DENND4A: variants seen among roughly 807,000 people sequenced by gnomAD.
DENND4A encodes C-myc promoter-binding protein.
A neutral mutation model predicts 199.3 loss-of-function variants in DENND4A; 70 were observed. The ratio of observed to expected loss-of-function variants is 0.35; its 90% CI spans 0.29 to 0.43. DENND4A has a LOEUF of 0.43. DENND4A is among the 20% of genes least tolerant of loss of function. DENND4A has a pLI of 1.00. For synonymous variants in DENND4A, 686 were observed against 766.9 expected (o/e 0.89, Z 1.74); for missense variants, 1,723 against 2,255.8 (o/e 0.76, Z 4.78).
At chr15:65,765,817 C>T (rs550319689) in intron 1 of DENND4A, among the ~76,000 whole-genome samples, 3 of 152,256 alleles carry the variant, frequency 2.0e-5, no homozygotes, top group African/African-American at 7.2e-5. Flanking sequence ...CCTAGTGTTG[C>T]CCTTTTATAA....
intron 23 of DENND4A, among the ~76,000 whole-genome samples, chr15:65,689,084 C>G (rs186647202): frequency 6.6e-6 from 1 of 152,328 alleles, no homozygotes; most frequent in African/African-American, 2.4e-5. Context: ...CAGAAGACCA[C>G]TGCTCCTTTG....
intron 7 of DENND4A, among the ~76,000 whole-genome samples, chr15:65,734,469 G>A (rs534549635): frequency 4.6e-4 from 70 of 152,246 alleles, no homozygotes; most frequent in African/African-American, 1.6e-3. Flanking sequence ...GGAACTCAGA[G>A]GCTGGCGGGA....
chr15:65,789,404 A>G (rs972604067), intron 1 of DENND4A, among the ~76,000 whole-genome samples: 1 of 152,104 alleles, frequency 6.6e-6, no homozygotes, highest in African/African-American at 2.4e-5. Context: ...ATTCAAAGTG[A>G]TAACTATGAT....
At chr15:65,702,264 A>G (rs28377658) in intron 17 of DENND4A, 41 bp downstream of exon 17, 309,403 of 1,486,916 alleles carry the variant, frequency 0.21, 39,538 homozygotes, top group East Asian at 0.71. Flanking sequence ...GTGAGACCCC[A>G]TCTCAAAAAA....
At chr15:65,788,768 T>C (rs1366017513) in intron 1 of DENND4A, among the ~76,000 whole-genome samples, 3 of 147,336 alleles carry the variant, frequency 2.0e-5, no homozygotes, top group African/African-American at 7.6e-5. Flanking sequence ...GGTGGGAGGA[T>C]GGCTTGAGCC....
At chr15:65,729,466 G>T in intron 10 of DENND4A, 68 bp downstream of exon 10, 1 of 1,513,808 alleles carries the variant, frequency 6.6e-7, no homozygotes, top group Non-Finnish European at 8.9e-7. Flanking sequence ...TATTAAAATG[G>T]CTTTAAGTTA....
intron 22 of DENND4A, among the ~76,000 whole-genome samples, chr15:65,693,853 C>A (rs2077053211): frequency 6.6e-6 from 1 of 151,942 alleles, no homozygotes; most frequent in Non-Finnish European, 1.5e-5. Context: ...AAGGCAGGAT[C>A]CGTGTTTATT....
At chr15:65,784,022 A>G (rs1243251291) in intron 1 of DENND4A, among the ~76,000 whole-genome samples, 1 of 152,180 alleles carries the variant, frequency 6.6e-6, no homozygotes, top group African/African-American at 2.4e-5. Flanking sequence ...GGTTAACAAT[A>G]TCAGTGATAA....
At position 65,752,384 on chromosome 15, in the gene DENND4A, T is replaced by A. The variant is rs891827890; in HGVS notation, c.556A>T (p.Ser186Cys). Residue 186 changes from serine to cysteine, a missense_variant, in exon 4 of 33, where the codon AGT (serine) becomes TGT (cysteine). Ser to Cys is a moderately radical substitution (Grantham distance 112, BLOSUM62 -1). Around this residue, in one of 6 missense-constraint regions of DENND4A, gnomAD observed 725 missense variants for 952.9 expected, o/e 0.76. Coordinates refer to ENST00000443035, the MANE Select transcript of DENND4A (RefSeq NM_001320835.1). ...AGTGCAAGTAAGTCACTTACCATAC[T>A]GTTATTGAGATTCTTGTCGACTTTG... ...FCKVDKNLNNSMWGSAVYLCY... is the reference protein window; with the variant it reads ...FCKVDKNLNNCMWGSAVYLCY... 1 of 1,594,436 alleles carries A rather than the reference T, an allele frequency of 6.3e-7. No homozygotes were observed.
chr15:65,753,390 ACT>A (rs1472831434), intron 3 of DENND4A, among the ~76,000 whole-genome samples: 1 of 152,096 alleles, frequency 6.6e-6, no homozygotes, highest in Non-Finnish European at 1.5e-5. Flanking sequence ...TCGGAGTCTC[ACT>A]CTGTCACCCA....
At position 65,737,789 on chromosome 15, in the gene DENND4A, G is replaced by A; in HGVS notation, c.958C>T (p.Pro320Ser). The A allele has an allele frequency of 6.3e-7, 1 of 1,595,910 alleles. No homozygotes were observed. Among genetic ancestry groups the A allele is most frequent in the East Asian group, 2.3e-5 (1 of 44,352 alleles). Residue 320 changes from proline to serine, a missense_variant, in exon 7 of 33, where the codon CCT (proline) becomes TCT (serine). This residue lies in a region of DENND4A where 725 missense variants were observed against 952.9 expected (regional missense o/e 0.76). Transcript: ENST00000443035. ...NKCICLLSHW[P>S]FFDAFRKFLT... ...AACTTCCTGAATGCATCAAAAAAAG[G>A]CCAGTGAGAAAGAAGACAGATGCAT...
At chr15:65,771,081 C>G in intron 1 of DENND4A, 1 of 1,226,110 alleles carries the variant, frequency 8.2e-7, no homozygotes. Context: ...TTTTCAGTAT[C>G]AGATCTTTCC....
At chr15:65,696,240 G>T in intron 22 of DENND4A, 126 bp downstream of exon 22, 2 of 1,201,464 alleles carry the variant, frequency 1.7e-6, no homozygotes, top group Non-Finnish European at 1.1e-6. Flanking sequence ...GCTATGCCAT[G>T]AGAGGCTGCA....
intron 29 of DENND4A, among the ~76,000 whole-genome samples, chr15:65,666,778 CAAAAAA>C (rs36113125): frequency 3.3e-5 from 3 of 91,724 alleles, no homozygotes; most frequent in Admixed American, 1.2e-4. Flanking sequence ...GACCTTGTGT[CAAAAAA>C]AAAAAAAAAA....
At chr15:65,730,135 C>T (rs1436254254) in intron 9 of DENND4A, among the ~76,000 whole-genome samples, 3 of 151,996 alleles carry the variant, frequency 2.0e-5, no homozygotes, top group African/African-American at 2.4e-5. Flanking sequence ...GGTAAATACA[C>T]ATTAAAACTT....
chr15:65,691,909 G>A (rs1215983170), intron 22 of DENND4A, among the ~76,000 whole-genome samples: 1 of 149,360 alleles, frequency 6.7e-6, no homozygotes, highest in South Asian at 2.1e-4. Flanking sequence ...AAATTACAAT[G>A]GTTTTACAAT....
At chr15:65,784,411 T>A (rs79553639) in intron 1 of DENND4A, among the ~76,000 whole-genome samples, 2 of 151,672 alleles carry the variant, frequency 1.3e-5, no homozygotes, top group East Asian at 3.9e-4. Context: ...AAATTTAACA[T>A]TGAAATGTCA....
intron 11 of DENND4A, chr15:65,728,820 A>G (rs908094853): frequency 2.2e-6 from 1 of 454,058 alleles, no homozygotes; most frequent in African/African-American, 2.0e-5. Context: ...CAAGCCTAAC[A>G]TTAAAATGTT....
chr15:65,685,266 A>G (rs753076060), intron 23 of DENND4A, among the ~76,000 whole-genome samples: 14 of 152,064 alleles, frequency 9.2e-5, no homozygotes, highest in South Asian at 2.1e-4. Flanking sequence ...AGCTGGGACT[A>G]CAGGCGCCTG....
Sources: gnomAD v4.1 joint callset for allele counts (sites outside exome capture counted in the v4.1 genomes callset) on GRCh38, gnomAD v4.1.1 for gene constraint, gnomAD v4.1.1 regional missense constraint, MANE v1.5 for transcripts, NCBI Gene and HGNC (gene_info 2026-07-23, HGNC 2026-07-21) for gene names.